The following CCDC85A variants were observed in gnomAD, a reference collection of about 807,000 sequenced individuals.
CCDC85A encodes coiled-coil domain containing 85A.
In CCDC85A, 38 loss-of-function variants were observed where a neutral mutation model predicts 50.2. The ratio of observed to expected loss-of-function variants is 0.76; its 90% CI spans 0.58 to 0.99. The LOEUF is 0.99. Ranked by LOEUF, CCDC85A falls within the 50% of genes least tolerant of loss-of-function variation. The pLI is 0.00. For synonymous variants in CCDC85A, 366 were observed against 301.4 expected (o/e 1.21, Z -2.22); for missense variants, 820 against 742.0 (o/e 1.11, Z -1.22).
rs147645522 is a variant in CCDC85A at position 56,374,334 on chromosome 2, T to A, written c.1453-1482T>A. On this transcript the variant is annotated intron_variant, in intron 4 of 5. Coordinates refer to ENST00000407595, the MANE Select transcript of CCDC85A (RefSeq NM_001080433.2). ...GTGGCAGGGGGAGCCTTTGAGGACA[T>A]AGGAGAAATGACAGCAAGAAAGAAA... Among the ~76,000 whole-genome samples the A allele has an allele frequency of 3.8e-3, 575 of 152,140 alleles. 4 individuals carry two copies. Among genetic ancestry groups the A allele is most frequent in the African/African-American group, 0.014 (563 of 41,498 alleles).
intron 2 of CCDC85A, among the ~76,000 whole-genome samples, chr2:56,269,384 T>G (rs569504651): frequency 6.7e-6 from 1 of 148,476 alleles, no homozygotes; most frequent in South Asian, 2.2e-4. Context: ...AAAGTTGGAG[T>G]GGAAGGAAGC....
chr2:56,385,450 TA>T lies in CCDC85A; in HGVS notation c.*1096del, dbSNP rs1212788812. 3 of 152,206 alleles carry T rather than the reference TA, an allele frequency of 2.0e-5. No homozygotes were observed. The highest frequency in any genetic ancestry group is 6.6e-5 in the Admixed American group (1 of 15,200). The allele number at this position is 152,206 out of a possible 1,614,324, so 9.4% of individuals were successfully genotyped here. On this transcript the variant is annotated 3_prime_UTR_variant, in exon 6 of 6. Coordinates refer to ENST00000407595, the MANE Select transcript of CCDC85A (RefSeq NM_001080433.2). Reference sequence around the variant, plus strand: ...TTCTTATTTTTGGTATACATATACATATATATAACATTAGAATGTGTGTACT... The same window carrying T: ...TTCTTATTTTTGGTATACATATACATTATATAACATTAGAATGTGTGTACT...
intron 2 of CCDC85A, among the ~76,000 whole-genome samples, chr2:56,331,371 T>G (rs565929669): frequency 8.5e-5 from 13 of 152,302 alleles, no homozygotes; most frequent in African/African-American, 2.6e-4. Flanking sequence ...AGCTCCACGT[T>G]CTGCACATGT....
intron 2 of CCDC85A, among the ~76,000 whole-genome samples, chr2:56,217,069 C>T (rs1363915731): frequency 6.6e-6 from 1 of 151,892 alleles, no homozygotes; most frequent in East Asian, 1.9e-4. Flanking sequence ...CATGGTCTTG[C>T]TGCTTTTCCT....
intron 2 of CCDC85A, among the ~76,000 whole-genome samples, chr2:56,313,238 C>T (rs1672774980): frequency 6.6e-6 from 1 of 152,044 alleles, no homozygotes; most frequent in Admixed American, 6.6e-5. Context: ...TTATGTAAGA[C>T]TTTAAGTAAT....
chr2:56,288,634 A>C (rs903695328), intron 2 of CCDC85A, among the ~76,000 whole-genome samples: 1 of 152,092 alleles, frequency 6.6e-6, no homozygotes, highest in African/African-American at 2.4e-5. Flanking sequence ...ATTTTCCAAC[A>C]CACCGATAGA....
In CCDC85A at chr2:56,208,349, A is replaced by C. The variant is rs544522518; in HGVS notation, c.1240+14909A>C. Among the ~76,000 whole-genome samples, 11 of 152,286 alleles carry C rather than the reference A, an allele frequency of 7.2e-5. No individual in the cohort carries two copies. The South Asian group carries it at 1.9e-3, about 26-fold the overall frequency. ...AAGTTTTATCCATACAATGAAGCAC[A>C]ATCTCCCACTATTACCCCATTGCAC... On this transcript the variant is annotated intron_variant, in intron 2 of 5. Coordinates refer to ENST00000407595, the MANE Select transcript of CCDC85A (RefSeq NM_001080433.2).
At position 56,184,441 on chromosome 2, in the gene CCDC85A, G is replaced by A. The variant is rs1328572046; in HGVS notation, c.-184G>A. ...CTGGGGGAGCGCGGGCGCGCGCGCG[G>A]GGATGGCGAGGTAGGATGGCCACCC... On this transcript the variant is annotated 5_prime_UTR_variant, in exon 1 of 6. Coordinates refer to ENST00000407595, the MANE Select transcript of CCDC85A (RefSeq NM_001080433.2). 1.6e-6 allele frequency: 1 copy of A among 625,268 alleles called. No homozygotes were observed. The highest frequency in any genetic ancestry group is 2.2e-6 in the Non-Finnish European group (1 of 446,218). The allele number at this position is 625,268 out of a possible 1,614,324, so 38.7% of individuals were successfully genotyped here. A position where few individuals can be genotyped will look rare whatever the true frequency, so the allele number is the denominator to read the frequency against.
chr2:56,332,376 C>T (rs1243717552), intron 2 of CCDC85A, among the ~76,000 whole-genome samples: 1 of 152,076 alleles, frequency 6.6e-6, no homozygotes, highest in African/African-American at 2.4e-5. Context: ...AAGTCCAAGA[C>T]GCAGGCACCC....
chr2:56,201,076 C>CTCTCCACACA (rs150330240), intron 2 of CCDC85A, among the ~76,000 whole-genome samples: 5 of 147,406 alleles, frequency 3.4e-5, no homozygotes, highest in East Asian at 4.0e-4. Flanking sequence ...TCATCTCTCT[C>CTCTCCACACA]CACACACACA....
chr2:56,365,420 A>G (rs1451038189), intron 3 of CCDC85A, among the ~76,000 whole-genome samples: 3 of 152,172 alleles, frequency 2.0e-5, no homozygotes, highest in African/African-American at 2.4e-5. Context: ...TCATATTAAC[A>G]TGCTTCTAAT....
intron 3 of CCDC85A, 46 bp downstream of exon 3, chr2:56,343,001 TGTA>T: frequency 7.8e-7 from 1 of 1,288,530 alleles, no homozygotes; most frequent in Non-Finnish European, 1.1e-6. Context: ...CCATTTAAGT[TGTA>T]GTATTTTATT....
intron 3 of CCDC85A, among the ~76,000 whole-genome samples, chr2:56,344,089 G>C (rs1357110954): frequency 6.6e-6 from 1 of 152,020 alleles, no homozygotes; most frequent in African/African-American, 2.4e-5. Flanking sequence ...CCTTTTCAAG[G>C]GGAATACATT....
intron 5 of CCDC85A, among the ~76,000 whole-genome samples, chr2:56,380,421 A>G (rs77943484): frequency 0.045 from 6,816 of 152,104 alleles, 506 homozygotes; most frequent in African/African-American, 0.15. Flanking sequence ...TAGGCCAGGC[A>G]CAGTAGCACA....
rs746318030 is a variant in CCDC85A at position 56,184,744 on chromosome 2, G to C, written c.120G>C (p.Ser40=). Residue 40 remains serine (S), a synonymous_variant, in exon 1 of 6, where the codon TCG becomes TCC. Transcript: ENST00000407595. ...PAPVEDLSKV[S]DEELLQWSKE... is the part of the protein sequence containing the mutation. ...CGGTGGAGGACCTGTCCAAAGTGTC[G>C]GACGAGGAGCTGCTGCAGTGGAGCA... is the stretch of plus-strand genomic sequence containing the variant. 1.0e-4 allele frequency: 161 copies of C among 1,543,162 alleles called. 1 individual carries two copies. Among genetic ancestry groups the C allele is most frequent in the Middle Eastern group, 2.0e-4 (1 of 5,004 alleles).
intron 2 of CCDC85A, among the ~76,000 whole-genome samples, chr2:56,200,714 G>T (rs997813869): frequency 7.9e-5 from 12 of 152,132 alleles, no homozygotes; most frequent in Admixed American, 7.2e-4. Flanking sequence ...AGGCAATACT[G>T]GTTTGTTGTT....
At chr2:56,204,462 G>A (rs1256602245) in intron 2 of CCDC85A, among the ~76,000 whole-genome samples, 1 of 152,108 alleles carries the variant, frequency 6.6e-6, no homozygotes, top group African/African-American at 2.4e-5. Context: ...AAACATAAAA[G>A]CCACAGTGTT....
At chr2:56,313,255 A>C (rs73940653) in intron 2 of CCDC85A, among the ~76,000 whole-genome samples, 7,436 of 152,136 alleles carry the variant, frequency 0.049, 613 homozygotes, top group African/African-American at 0.17. Context: ...TAATATTTAT[A>C]TTTTTATACA....
chr2:56,341,269 A>C (rs1315870906), intron 2 of CCDC85A, among the ~76,000 whole-genome samples: 5 of 152,160 alleles, frequency 3.3e-5, no homozygotes, highest in Non-Finnish European at 7.3e-5. Flanking sequence ...CAGAGATCTT[A>C]CTGGGGAAGT....
Sources: allele counts gnomAD v4.1 joint callset (sites outside exome capture counted in the v4.1 genomes callset), GRCh38; gene constraint gnomAD v4.1.1; transcripts MANE v1.5; gene names NCBI Gene and HGNC (gene_info 2026-07-23, HGNC 2026-07-21).